The following DST variants were observed in gnomAD, a reference collection of about 807,000 sequenced individuals.
DST encodes dystonin.
A neutral mutation model predicts 875.2 loss-of-function variants in DST; 253 were observed. The observed-to-expected ratio is 0.29, with a 90% CI of 0.26 to 0.32. The LOEUF (loss-of-function observed/expected upper bound fraction) is 0.32. DST is among the 10% of genes least tolerant of loss of function. The probability of loss-of-function intolerance (pLI) is 1.00; values close to 1 mark genes in which losing one functional copy is unlikely to be tolerated. For missense variants in DST, 8,287 were observed against 9,111.6 expected (o/e 0.91, Z 3.68); for synonymous variants, 3,124 against 3,197.1 (o/e 0.98, Z 0.77).
intron 4 of DST, among the ~76,000 whole-genome samples, chr6:56,771,312 A>T (rs945342508): frequency 1.3e-5 from 2 of 152,140 alleles, no homozygotes; most frequent in Non-Finnish European, 2.9e-5. Context: ...AGGGCCCCCA[A>T]TTTAGGCTAA....
chr6:56,833,877 G>A (rs1055429124), intron 4 of DST, among the ~76,000 whole-genome samples: 2 of 151,780 alleles, frequency 1.3e-5, no homozygotes, highest in Non-Finnish European at 2.9e-5. Flanking sequence ...TAAAGGACTG[G>A]TATCCAAAAT....
Position 56,463,134 on chromosome 6 carries a change from T to C in DST, c.22982A>G (p.Asn7661Ser), listed in dbSNP as rs779080194. ...GTTTGTCAACCATGGTTTACCATAA[T>C]TGCGTGTTAAAGGATGGAGAATCTG... Reference protein sequence around the residue: ...TPKILHPLTRNYGKPWLTNSK... With the variant: ...TPKILHPLTRSYGKPWLTNSK... Residue 7661 changes from asparagine to serine, a missense_variant, in exon 102 of 104, where the codon AAT becomes AGT. Transcript: ENST00000680361. 3.7e-6 allele frequency: 6 copies of C among 1,612,564 alleles called. No individual in the cohort carries two copies. In the Admixed American group the frequency reaches 5.0e-5, roughly 13 times the overall value.
intron 5 of DST, among the ~76,000 whole-genome samples, chr6:56,708,030 A>G (rs544977791): frequency 1.8e-4 from 27 of 152,082 alleles, no homozygotes; most frequent in Non-Finnish European, 3.8e-4. Flanking sequence ...TTAGCTGGGC[A>G]TGGTGGCAGT....
intron 2 of DST, among the ~76,000 whole-genome samples, chr6:56,937,129 T>C (rs1348150038): frequency 6.6e-6 from 1 of 151,998 alleles, no homozygotes; most frequent in Admixed American, 6.6e-5. Flanking sequence ...AAACAATTCC[T>C]AGAAATGACA....
chr6:56,479,560 AT>A, intron 90 of DST, among the ~76,000 whole-genome samples: 1 of 152,308 alleles, frequency 6.6e-6, no homozygotes, highest in Non-Finnish European at 1.5e-5. Context: ...TTAAAAAAAA[AT>A]GTGGTACATA....
intron 71 of DST, among the ~76,000 whole-genome samples, chr6:56,516,890 T>A (rs190402925): frequency 3.9e-5 from 6 of 152,232 alleles, no homozygotes; most frequent in Admixed American, 2.6e-4. Context: ...AAACAATAAT[T>A]TATACTGATA....
At chr6:56,836,712 G>A (rs1318885080) in intron 4 of DST, among the ~76,000 whole-genome samples, 1 of 151,342 alleles carries the variant, frequency 6.6e-6, no homozygotes, top group African/African-American at 2.4e-5. Context: ...TTAGCCGGGC[G>A]TGATGGCGGG....
In DST at chr6:56,463,551, A is replaced by T. The variant is rs1272403324; in HGVS notation, c.22959+14T>A. Reference sequence around the variant, plus strand: ...TTGCAAAGGTGGAGGAAAAGTCTTCATCCTGAGTCTTACCTTGGGTGTGGT... The same window carrying T: ...TTGCAAAGGTGGAGGAAAAGTCTTCTTCCTGAGTCTTACCTTGGGTGTGGT... On this transcript the variant is annotated intron_variant, in intron 101 of 103. Transcript: ENST00000680361. The T allele has an allele frequency of 6.5e-7, 1 of 1,548,064 alleles. No homozygotes were observed. The highest frequency in any genetic ancestry group is 1.4e-5 in the African/African-American group (1 of 72,728).
intron 4 of DST, among the ~76,000 whole-genome samples, chr6:56,768,050 G>A (rs1023253988): frequency 3.9e-5 from 6 of 152,112 alleles, no homozygotes; most frequent in East Asian, 1.9e-4. Context: ...AAGCCATTTC[G>A]AAGACCTTCA....
In DST at chr6:56,640,218, C is replaced by G. The variant is rs769144029; in HGVS notation, c.2415G>C (p.Leu805=). The G allele has an allele frequency of 3.7e-6, 6 of 1,614,100 alleles. No homozygotes were observed. The highest frequency in any genetic ancestry group is 5.1e-6 in the Non-Finnish European group (6 of 1,180,016). ...TTTCTTCTTCTGTTAAATTTTGATCCAGCAAAGAAGACTTTAGAAGGGGTT... is the reference window on the plus strand; with the variant it reads ...TTTCTTCTTCTGTTAAATTTTGATCGAGCAAAGAAGACTTTAGAAGGGGTT... The part of the protein sequence containing the change: ...IRKPLLKSSL[L]DQNLTEEEIN... Residue 805 remains leucine (L), a synonymous_variant, in exon 18 of 104, where the codon CTG becomes CTC. Coordinates refer to ENST00000680361, the MANE Select transcript of DST (RefSeq NM_001374736.1).
At chr6:56,592,449 T>G in intron 48 of DST, 91 bp from the exon 49 acceptor site, 1 of 1,103,908 alleles carries the variant, frequency 9.1e-7, no homozygotes. Flanking sequence ...ATATGTAACT[T>G]GGAAAAAAAA....
At chr6:56,697,894 G>A (rs569227476) in intron 9 of DST, among the ~76,000 whole-genome samples, 10 of 152,184 alleles carry the variant, frequency 6.6e-5, no homozygotes, top group Admixed American at 5.2e-4. Context: ...CAACTTTTTG[G>A]CCAGTTCTAC....
chr6:56,574,251 A>G (rs2097828231), intron 50 of DST, among the ~76,000 whole-genome samples: 1 of 152,214 alleles, frequency 6.6e-6, no homozygotes, highest in Admixed American at 6.5e-5. Context: ...ATTTCACATT[A>G]GCCATACTTA....
chr6:56,617,944 T>C (rs895805470), intron 36 of DST: 2 of 1,543,340 alleles, frequency 1.3e-6, no homozygotes, highest in African/African-American at 2.7e-5. Context: ...TGAGGAAACT[T>C]GACATTAGGT....
chr6:56,704,510 ATTAC>A, intron 5 of DST, 141 bp from the exon 6 acceptor site: 1 of 520,150 alleles, frequency 1.9e-6, no homozygotes, highest in African/African-American at 2.0e-5. Context: ...TAAAATGCTT[ATTAC>A]TTAAAAACTA....
intron 69 of DST, among the ~76,000 whole-genome samples, chr6:56,521,619 AAAAAAAG>A (rs2096708242): frequency 1.1e-5 from 1 of 93,070 alleles, no homozygotes; most frequent in Non-Finnish European, 2.4e-5. Flanking sequence ...AAAAAAAAAA[AAAAAAAG>A]ACTTCAAACA....
chr6:56,796,435 G>C (rs1273898786), intron 4 of DST, among the ~76,000 whole-genome samples: 1 of 152,206 alleles, frequency 6.6e-6, no homozygotes, highest in Non-Finnish European at 1.5e-5. Context: ...CCTGTCTAGT[G>C]GTAGAAACGG....
At chr6:56,773,723 GGC>G (rs2099672172) in intron 4 of DST, among the ~76,000 whole-genome samples, 1 of 152,074 alleles carries the variant, frequency 6.6e-6, no homozygotes, top group African/African-American at 2.4e-5. Flanking sequence ...TTTGAATATT[GGC>G]TTAAAATTGT....
At chr6:56,737,014 T>A (rs142271543) in intron 4 of DST, among the ~76,000 whole-genome samples, 27 of 127,650 alleles carry the variant, frequency 2.1e-4, no homozygotes, top group East Asian at 1.4e-3. Flanking sequence ...GGCAACATGA[T>A]GAAATCCGTG....
Sources: gnomAD v4.1 joint callset for allele counts (sites outside exome capture counted in the v4.1 genomes callset) on GRCh38, gnomAD v4.1.1 for gene constraint, MANE v1.5 for transcripts, NCBI Gene and HGNC (gene_info 2026-07-23, HGNC 2026-07-21) for gene names.